Variants in PHF20 observed in about 807,000 individuals in gnomAD.
PHF20 encodes the protein glioma-expressed antigen 2.
PHF20 carries 23 observed loss-of-function variants against 113.5 expected under a neutral mutation model. The observed-to-expected ratio is 0.20, with a 90% confidence interval of 0.15 to 0.29. PHF20 has a LOEUF of 0.29. PHF20 is among the 10% of genes least tolerant of loss of function. PHF20 has a pLI of 1.00. For missense variants in PHF20, 943 were observed against 1,219.6 expected, an observed-to-expected ratio of 0.77 and a Z score of 3.38; for synonymous variants, 434 against 457.3, an observed-to-expected ratio of 0.95 and a Z score of 0.65.
At chr20:35,944,893 A>G (rs2056058944) in intron 17 of PHF20, among the ~76,000 whole-genome samples, 1 of 152,172 alleles carries the variant, frequency 6.6e-6, no homozygotes, top group African/African-American at 2.4e-5. Context: ...TTTGCTGAAC[A>G]GTCCCCTGTC....
chr20:35,799,736 C>T (rs563623022), intron 1 of PHF20, among the ~76,000 whole-genome samples: 5 of 151,864 alleles, frequency 3.3e-5, no homozygotes, highest in Admixed American at 6.6e-5. Context: ...GGCGTGATCT[C>T]GGCTCACTGC....
At chr20:35,906,668 G>A (rs938800258) in intron 10 of PHF20, among the ~76,000 whole-genome samples, 3 of 152,160 alleles carry the variant, frequency 2.0e-5, no homozygotes, top group Non-Finnish European at 2.9e-5. Context: ...GGAAGTGAAG[G>A]GAAAGTATGC....
At chr20:35,913,853 T>G (rs544256477) in intron 11 of PHF20, among the ~76,000 whole-genome samples, 180 bp from the exon 12 acceptor site, 1 of 152,180 alleles carries the variant, frequency 6.6e-6, no homozygotes, top group East Asian at 1.9e-4. Context: ...GAGGAGAGGG[T>G]CAATACTTAA....
intron 2 of PHF20, among the ~76,000 whole-genome samples, chr20:35,811,170 C>T (rs1444874640): frequency 6.6e-6 from 1 of 151,982 alleles, no homozygotes; most frequent in Non-Finnish European, 1.5e-5. Context: ...CCTCAGCCTC[C>T]CGAGTAGCTG....
chr20:35,902,559 T>G (rs1225387519), intron 10 of PHF20, among the ~76,000 whole-genome samples: 1 of 152,224 alleles, frequency 6.6e-6, no homozygotes, highest in Non-Finnish European at 1.5e-5. Flanking sequence ...CTCAGTATAA[T>G]GCACCTGAGC....
chr20:35,843,704 T>G (rs1258479935), intron 3 of PHF20, among the ~76,000 whole-genome samples: 1 of 151,860 alleles, frequency 6.6e-6, no homozygotes, highest in African/African-American at 2.4e-5. Context: ...CACTTCAACT[T>G]CCCAAGTAGC....
At position 35,810,325 on chromosome 20, in the gene PHF20, C is replaced by G. The variant is rs565282321; in HGVS notation, c.83+8720C>G. Reference sequence around the variant, plus strand: ...CTCTCTTCCAGTTCGGCAAGGTTTCCTCTGATTGATCCCCACCCTTCACCT... The same window carrying G: ...CTCTCTTCCAGTTCGGCAAGGTTTCGTCTGATTGATCCCCACCCTTCACCT... On this transcript the variant is annotated intron_variant, in intron 2 of 17. Coordinates refer to ENST00000374012, the MANE Select transcript of PHF20 (RefSeq NM_016436.5). Among the ~76,000 whole-genome samples the G allele has an allele frequency of 9.5e-4, 144 of 152,300 alleles. 1 individual carries two copies. The South Asian group carries it at 0.03, about 31-fold the overall frequency.
At chr20:35,856,733 A>C (rs2042835138) in intron 4 of PHF20, among the ~76,000 whole-genome samples, 1 of 152,186 alleles carries the variant, frequency 6.6e-6, no homozygotes. Flanking sequence ...TGTTGTGGGT[A>C]TTTGAGCCAG....
At chr20:35,785,564 C>T (rs1203485169) in intron 1 of PHF20, among the ~76,000 whole-genome samples, 1 of 151,870 alleles carries the variant, frequency 6.6e-6, no homozygotes, top group Non-Finnish European at 1.5e-5. Context: ...AGGTGATCCT[C>T]CCGCCTCAGC....
Position 35,941,004 on chromosome 20 carries a change from T to G in PHF20, c.2853T>G (p.Asp951Glu). 1 of 1,614,148 alleles carries G rather than the reference T, an allele frequency of 6.2e-7. No individual in the cohort carries two copies. Among genetic ancestry groups the G allele is most frequent in the Non-Finnish European group, 8.5e-7 (1 of 1,180,012 alleles). The change falls in exon 17 of 18, where the codon GAT (aspartate) becomes GAG (glutamate). Residue 951 changes from aspartate to glutamate, a missense_variant. Asp to Glu is a conservative substitution (Grantham distance 45). Around this residue, in one of 3 missense-constraint regions of PHF20, gnomAD observed 349 missense variants for 412.3 expected, o/e 0.85. Coordinates refer to ENST00000374012, the MANE Select transcript of PHF20 (RefSeq NM_016436.5). ...TGACCCATGTGGAATCTCTTCAGGA[T>G]GAAGTTACGCACAGGATGGACTCCA... is the stretch of plus-strand genomic sequence containing the variant. ...NLLTHVESLQ[D>E]EVTHRMDSIE...
chr20:35,851,689 C>T (rs185879381), intron 4 of PHF20, among the ~76,000 whole-genome samples: 5 of 151,698 alleles, frequency 3.3e-5, no homozygotes, highest in Admixed American at 1.3e-4. Flanking sequence ...GCCGGGGCAG[C>T]GGATTACCTG....
chr20:35,912,807 G>C (rs924176009), intron 10 of PHF20, among the ~76,000 whole-genome samples: 1 of 152,156 alleles, frequency 6.6e-6, no homozygotes, highest in African/African-American at 2.4e-5. Context: ...ACTCCAGCCT[G>C]GGTGACATGG....
At chr20:35,824,462 C>A (rs1438878125) in intron 2 of PHF20, among the ~76,000 whole-genome samples, 1 of 151,936 alleles carries the variant, frequency 6.6e-6, no homozygotes, top group Non-Finnish European at 1.5e-5. Flanking sequence ...CAAAAATTAG[C>A]TGGGTGTGGT....
intron 9 of PHF20, among the ~76,000 whole-genome samples, chr20:35,882,255 T>C (rs1468183612): frequency 2.0e-5 from 3 of 152,214 alleles, no homozygotes; most frequent in African/African-American, 4.8e-5. Context: ...TGAAATTCTC[T>C]TGTCTAACCT....
intron 9 of PHF20, among the ~76,000 whole-genome samples, chr20:35,889,797 C>T (rs567522997): frequency 1.2e-4 from 19 of 152,018 alleles, no homozygotes; most frequent in South Asian, 2.1e-4. Flanking sequence ...GGTGCAATCT[C>T]GTCTCACTGC....
chr20:35,949,457 C>G lies in PHF20; in HGVS notation c.*1830C>G, dbSNP rs569301434. The G allele has an allele frequency of 3.9e-5, 6 of 152,770 alleles. No homozygotes were observed. The South Asian group carries it at 1.2e-3, about 32-fold the overall frequency. 9.5% of individuals were successfully genotyped at this position (152,770 alleles called of 1,614,324 possible). On this transcript the variant is annotated 3_prime_UTR_variant, in exon 18 of 18. Coordinates refer to ENST00000374012, the MANE Select transcript of PHF20 (RefSeq NM_016436.5). ...TGGAAGCTGTAACTTTTAAGGTAGT[C>G]AATTTCATGTCTTGTTCAACGATGT... is the stretch of plus-strand genomic sequence containing the variant.
At position 35,863,046 on chromosome 20, in the gene PHF20, G is replaced by T; in HGVS notation, c.454G>T (p.Asp152Tyr). The change falls in exon 6 of 18, where the codon GAT becomes TAT. Residue 152 changes from aspartate (D) to tyrosine (Y), a missense_variant. By Grantham distance (160) the Asp-to-Tyr change is radical (BLOSUM62 -3). Transcript: ENST00000374012. ...IVGNARPKET[D>Y]HKSLSSSPDK... ...GGGTAATGCTAGGCCTAAAGAAACA[G>T]ATCACAAAAGTCTTTCATCATCTCC... 1 of 1,596,466 alleles carries T rather than the reference G, an allele frequency of 6.3e-7. No homozygotes were observed. Among genetic ancestry groups the T allele is most frequent in the Non-Finnish European group, 8.5e-7 (1 of 1,175,572 alleles).
chr20:35,813,742 C>T (rs1568600020), intron 2 of PHF20, among the ~76,000 whole-genome samples: 1 of 151,974 alleles, frequency 6.6e-6, no homozygotes, highest in Non-Finnish European at 1.5e-5. Flanking sequence ...CTTGTAGTCT[C>T]AGCTACTCAG....
At chr20:35,799,477 A>T (rs916263622) in intron 1 of PHF20, among the ~76,000 whole-genome samples, 4 of 151,852 alleles carry the variant, frequency 2.6e-5, no homozygotes, top group Admixed American at 6.6e-5. Flanking sequence ...AAAAAATTTT[A>T]AAAAGTCCAG....
Sources: allele counts gnomAD v4.1 joint callset (sites outside exome capture counted in the v4.1 genomes callset), GRCh38; gene constraint gnomAD v4.1.1; regional missense constraint gnomAD v4.1.1; transcripts MANE v1.5; gene names NCBI Gene and HGNC (gene_info 2026-07-23, HGNC 2026-07-21).